FBXO16: variants seen among roughly 807,000 people sequenced by gnomAD.
FBXO16 encodes F-box only protein 16.
A neutral mutation model predicts 41.0 loss-of-function variants in FBXO16; 31 were observed. The observed-to-expected ratio is 0.76, with a 90% CI of 0.57 to 1.02. The LOEUF (loss-of-function observed/expected upper bound fraction) is 1.02. Among genes scored for constraint, FBXO16 ranks in the 50% least tolerant of loss-of-function variants. FBXO16 has a pLI of 0.00. For synonymous variants in FBXO16, 133 were observed against 117.8 expected (o/e 1.13, Z -0.84); for missense variants, 361 against 346.2 (o/e 1.04, Z -0.34).
chr8:28,453,999 A>G (rs748508412), intron 5 of FBXO16, among the ~76,000 whole-genome samples: 4 of 151,938 alleles, frequency 2.6e-5, no homozygotes, highest in Non-Finnish European at 5.9e-5. Flanking sequence ...CCCCGTCTCT[A>G]CGGAAAATAC....
chr8:28,439,774 A>T (rs1359318711), intron 7 of FBXO16, among the ~76,000 whole-genome samples: 1 of 152,038 alleles, frequency 6.6e-6, no homozygotes, highest in Non-Finnish European at 1.5e-5. Flanking sequence ...TTTAAATTTA[A>T]AAAACCCCCA....
intron 7 of FBXO16, among the ~76,000 whole-genome samples, chr8:28,430,193 C>CT: frequency 6.6e-6 from 1 of 152,204 alleles, no homozygotes; most frequent in Non-Finnish European, 1.5e-5. Context: ...CCACCTCAGC[C>CT]TCCCGAGTAG....
At chr8:28,471,846 A>C (rs1803341904) in intron 3 of FBXO16, among the ~76,000 whole-genome samples, 1 of 146,232 alleles carries the variant, frequency 6.8e-6, no homozygotes, top group African/African-American at 2.5e-5. Context: ...AGAGATGGAT[A>C]TTTTGATCAT....
intron 7 of FBXO16, among the ~76,000 whole-genome samples, chr8:28,440,568 C>CG (rs1212487188): frequency 6.6e-6 from 1 of 152,096 alleles, no homozygotes; most frequent in African/African-American, 2.4e-5. Flanking sequence ...GGTTCCCCCC[C>CG]ACCCCTTTTG....
At chr8:28,457,847 CTTA>C (rs1174920471) in intron 4 of FBXO16, among the ~76,000 whole-genome samples, 1 of 152,180 alleles carries the variant, frequency 6.6e-6, no homozygotes, top group Non-Finnish European at 1.5e-5. Flanking sequence ...GCATAAAGCA[CTTA>C]TTATGTACAT....
chr8:28,432,128 AGTGTGTGTGTGTGTGTGTGT>A (rs56917233), intron 7 of FBXO16, among the ~76,000 whole-genome samples: 3 of 142,916 alleles, frequency 2.1e-5, no homozygotes, highest in East Asian at 4.2e-4. Context: ...CTATGTATGG[AGTGTGTGTGTGTGTGTGTGT>A]GTGTGTGTGT....
intron 7 of FBXO16, among the ~76,000 whole-genome samples, chr8:28,439,974 ATTTT>A (rs34129347): frequency 2.3e-4 from 34 of 148,836 alleles, no homozygotes; most frequent in African/African-American, 4.7e-4. Flanking sequence ...AATGTAACGG[ATTTT>A]TTTTTTTTTG....
At chr8:28,467,894 G>A (rs6992329) in intron 3 of FBXO16, among the ~76,000 whole-genome samples, 44,085 of 151,842 alleles carry the variant, frequency 0.29, 7,220 homozygotes, top group East Asian at 0.61. Context: ...GGTGTTCTTT[G>A]CCTCAAGGGA....
Position 28,432,472 on chromosome 8 carries a change from TCAAAA to T in FBXO16, c.844-3074_844-3070del, listed in dbSNP as rs375316920. The stretch of plus-strand genomic sequence containing the variant: ...CTGGGCAATGGAGTGAGACTCCATC[TCAAAA>T]CAAAACAAAACAAAACAAAACAACA... On this transcript the variant is annotated intron_variant, in intron 7 of 8. Coordinates refer to ENST00000380254, the MANE Select transcript of FBXO16 (RefSeq NM_172366.4). Among the ~76,000 whole-genome samples, 1,058 of 151,228 alleles carry T rather than the reference TCAAAA, an allele frequency of 7.0e-3. 13 individuals are homozygous for T. The highest frequency in any genetic ancestry group is 0.024 in the African/African-American group (994 of 41,100).
chr8:28,477,484 C>T (rs1803441428), intron 2 of FBXO16, among the ~76,000 whole-genome samples: 1 of 152,054 alleles, frequency 6.6e-6, no homozygotes, highest in African/African-American at 2.4e-5. Flanking sequence ...AGGATAAAGC[C>T]CAGAGAAGGT....
chr8:28,452,297 G>T lies in FBXO16; in HGVS notation c.687C>A (p.Ile229=). Residue 229 remains isoleucine (I), a synonymous_variant, in exon 6 of 9, where the codon ATC becomes ATA. Transcript: ENST00000380254. ...WRSSDKHPTD[I]IRFNYLDNRD... ...GGTTGTCTAGGTAATTAAAACGAAT[G>T]ATATCTGTTGGGTGCTTATCAGAAG... is the stretch of plus-strand genomic sequence containing the variant. The T allele has an allele frequency of 1.2e-6, 2 of 1,614,190 alleles. No homozygotes were observed. Among genetic ancestry groups the T allele is most frequent in the Non-Finnish European group, 8.5e-7 (1 of 1,180,030 alleles).
chr8:28,432,472 T>TCAAAA lies in FBXO16; in HGVS notation c.844-3074_844-3070dup, dbSNP rs375316920. On this transcript the variant is annotated intron_variant, in intron 7 of 8. Coordinates refer to ENST00000380254, the MANE Select transcript of FBXO16 (RefSeq NM_172366.4). Reference sequence around the variant, plus strand: ...CTGGGCAATGGAGTGAGACTCCATCTCAAAACAAAACAAAACAAAACAAAA... The same window carrying TCAAAA: ...CTGGGCAATGGAGTGAGACTCCATCTCAAAACAAAACAAAACAAAACAAAACAAAA... Among the ~76,000 whole-genome samples, 1,027 of 151,226 alleles carry TCAAAA rather than the reference T, an allele frequency of 6.8e-3. 15 individuals carry two copies. Among genetic ancestry groups the TCAAAA allele is most frequent in the African/African-American group, 0.022 (903 of 41,098 alleles).
chr8:28,439,023 C>T (rs1320689800), intron 7 of FBXO16, among the ~76,000 whole-genome samples: 1 of 150,708 alleles, frequency 6.6e-6, no homozygotes, highest in African/African-American at 2.4e-5. Context: ...TCGTTTGAAC[C>T]CAGGAGGCAG....
At chr8:28,455,242 A>AT (rs55790277) in intron 5 of FBXO16, among the ~76,000 whole-genome samples, 458 of 144,832 alleles carry the variant, frequency 3.2e-3, no homozygotes, top group East Asian at 0.011. Context: ...TGCTCAGCTA[A>AT]TTTTTTTTTT....
At chr8:28,433,931 A>G (rs1045176179) in intron 7 of FBXO16, among the ~76,000 whole-genome samples, 1 of 150,550 alleles carries the variant, frequency 6.6e-6, no homozygotes, top group East Asian at 1.9e-4. Flanking sequence ...CAGCTTGTCT[A>G]CAGACCTGTG....
chr8:28,469,855 C>T (rs765720825), intron 3 of FBXO16, among the ~76,000 whole-genome samples: 7 of 151,600 alleles, frequency 4.6e-5, no homozygotes, highest in Admixed American at 4.6e-4. Context: ...GAGCCGAGAT[C>T]GCGCCAATGC....
chr8:28,452,183 T>C (rs2130126195), intron 6 of FBXO16, 61 bp downstream of exon 6: 1 of 1,484,108 alleles, frequency 6.7e-7, no homozygotes, highest in Middle Eastern at 1.9e-4. Flanking sequence ...CTTCGTATAC[T>C]GAAATGCCAA....
chr8:28,471,686 T>C (rs1311089552), intron 3 of FBXO16, among the ~76,000 whole-genome samples: 1 of 151,894 alleles, frequency 6.6e-6, no homozygotes, highest in Admixed American at 6.6e-5. Flanking sequence ...CCATTATTTA[T>C]TGATTTAGAA....
chr8:28,482,878 C>T (rs369081326), intron 2 of FBXO16, among the ~76,000 whole-genome samples: 9 of 152,158 alleles, frequency 5.9e-5, no homozygotes, highest in Admixed American at 2.6e-4. Context: ...CGCACCCAGC[C>T]ATGAAAATAA....
Sources: allele counts gnomAD v4.1 joint callset (sites outside exome capture counted in the v4.1 genomes callset), GRCh38; gene constraint gnomAD v4.1.1; transcripts MANE v1.5; gene names NCBI Gene and HGNC (gene_info 2026-07-23, HGNC 2026-07-21).